MTA3: variants seen among roughly 807,000 people sequenced by gnomAD.
MTA3 encodes metastasis-associated protein MTA3.
MTA3 carries 34 observed loss-of-function variants against 83.5 expected under a neutral mutation model. The ratio of observed to expected loss-of-function variants is 0.41; its 90% CI spans 0.31 to 0.54. The LOEUF (loss-of-function observed/expected upper bound fraction) is 0.54. MTA3 is among the 20% of genes least tolerant of loss of function. The pLI is 0.33. For synonymous variants in MTA3, 303 were observed against 252.7 expected (o/e 1.20, Z -1.89); for missense variants, 761 against 726.4 (o/e 1.05, Z -0.55).
intron 2 of MTA3, among the ~76,000 whole-genome samples, chr2:42,501,503 A>G (rs957216797): frequency 1.3e-5 from 2 of 152,088 alleles, no homozygotes; most frequent in Admixed American, 6.6e-5. Flanking sequence ...CAGCCAACCC[A>G]CTCCTAACAC....
chr2:42,523,362 G>C (rs79423659), intron 2 of MTA3, among the ~76,000 whole-genome samples: 1 of 152,112 alleles, frequency 6.6e-6, no homozygotes, highest in African/African-American at 2.4e-5. Flanking sequence ...GCAAGAGAGC[G>C]GCAGTGAGAC....
intron 4 of MTA3, chr2:42,614,048 T>A (rs2104121948): frequency 6.6e-6 from 1 of 152,358 alleles, no homozygotes; most frequent in East Asian, 1.9e-4. Context: ...TGTATTTATT[T>A]TACTATATTC....
At chr2:42,610,309 A>G (rs1288013706) in intron 4 of MTA3, among the ~76,000 whole-genome samples, 3 of 152,350 alleles carry the variant, frequency 2.0e-5, no homozygotes, top group African/African-American at 7.2e-5. Flanking sequence ...TCTTGACCTT[A>G]TAGGATATAT....
chr2:42,708,839 C>T (rs4953578), intron 13 of MTA3, 35 bp from the exon 14 acceptor site: 954,553 of 1,609,356 alleles, frequency 0.59, 288,828 homozygotes, highest in African/African-American at 0.81. Flanking sequence ...GGCAAGTTCA[C>T]TTCCTTGAGT....
chr2:42,499,573 C>T (rs1012754182), intron 2 of MTA3, among the ~76,000 whole-genome samples: 4 of 150,504 alleles, frequency 2.7e-5, no homozygotes, highest in Middle Eastern at 3.5e-3. Context: ...AGGCAGATCA[C>T]GAGATCAGGA....
At chr2:42,700,692 A>T (rs1693790712) in intron 11 of MTA3, among the ~76,000 whole-genome samples, 1 of 151,928 alleles carries the variant, frequency 6.6e-6, no homozygotes. Context: ...TAGATTTTTA[A>T]AAAAAGGAAT....
intron 12 of MTA3, among the ~76,000 whole-genome samples, chr2:42,704,876 G>A (rs571715491): frequency 6.6e-6 from 1 of 152,286 alleles, no homozygotes; most frequent in South Asian, 2.1e-4. Context: ...AATGGGGTCG[G>A]TGAAGTGAAC....
chr2:42,605,000 G>T, intron 3 of MTA3, among the ~76,000 whole-genome samples: 1 of 150,356 alleles, frequency 6.7e-6, no homozygotes, highest in South Asian at 2.1e-4. Context: ...CACAGACACG[G>T]CAACCATCCG....
intron 4 of MTA3, among the ~76,000 whole-genome samples, chr2:42,630,424 C>G (rs1389058431): frequency 6.6e-6 from 1 of 152,150 alleles, no homozygotes; most frequent in African/African-American, 2.4e-5. Flanking sequence ...CCCCCCAGGT[C>G]TTCAGTGTTT....
intron 4 of MTA3, among the ~76,000 whole-genome samples, chr2:42,632,793 A>G (rs1000524677): frequency 6.6e-6 from 1 of 151,818 alleles, no homozygotes; most frequent in East Asian, 1.9e-4. Flanking sequence ...TCATTCCTCT[A>G]CTTTGTGTAC....
intron 2 of MTA3, among the ~76,000 whole-genome samples, chr2:42,529,559 A>G (rs1259033750): frequency 6.6e-6 from 1 of 152,198 alleles, no homozygotes; most frequent in East Asian, 1.9e-4. Flanking sequence ...TTCTTCAGTG[A>G]TTGGCACCAA....
chr2:42,682,892 G>A (rs548899185), intron 9 of MTA3, among the ~76,000 whole-genome samples: 36 of 152,266 alleles, frequency 2.4e-4, no homozygotes, highest in South Asian at 1.9e-3. Flanking sequence ...CCAATGTGGT[G>A]AAACCCCATC....
intron 2 of MTA3, among the ~76,000 whole-genome samples, chr2:42,498,660 G>A (rs1185657553): frequency 6.6e-6 from 1 of 152,258 alleles, no homozygotes; most frequent in East Asian, 1.9e-4. Flanking sequence ...GTCAACAGGT[G>A]AACTACAGGC....
chr2:42,665,780 CTG>C, intron 8 of MTA3, among the ~76,000 whole-genome samples: 1 of 152,278 alleles, frequency 6.6e-6, no homozygotes, highest in East Asian at 1.9e-4. Context: ...CTAGAGAAGA[CTG>C]TTTTACAGGT....
At chr2:42,528,289 C>T (rs1167209085) in intron 2 of MTA3, among the ~76,000 whole-genome samples, 2 of 148,222 alleles carry the variant, frequency 1.3e-5, no homozygotes, top group East Asian at 2.0e-4. Context: ...GGCGTGATCT[C>T]GGCTCCTGCA....
At chr2:42,686,359 G>A (rs1308645485) in intron 9 of MTA3, among the ~76,000 whole-genome samples, 1 of 152,150 alleles carries the variant, frequency 6.6e-6, no homozygotes, top group Non-Finnish European at 1.5e-5. Context: ...TACAGTTAAA[G>A]TTCTGTGAGT....
intron 2 of MTA3, chr2:42,533,367 G>A (rs891784066): frequency 7.3e-5 from 11 of 151,672 alleles, no homozygotes; most frequent in African/African-American, 2.7e-4. Flanking sequence ...GGGATTACAG[G>A]TGTGAGCAAC....
chr2:42,583,357 C>G (rs1442629192), intron 3 of MTA3, among the ~76,000 whole-genome samples: 1 of 152,158 alleles, frequency 6.6e-6, no homozygotes, highest in African/African-American at 2.4e-5. Context: ...ACTAAAACAT[C>G]AGGTGCAGAC....
chr2:42,570,333 T>G, intron 1 of MTA3, 104 bp from the exon 2 acceptor site: 3 of 610,844 alleles, frequency 4.9e-6, no homozygotes, highest in Non-Finnish European at 8.4e-6. Flanking sequence ...GAATGAATTA[T>G]GAGCTTAATT....
Sources: gnomAD v4.1 joint callset for allele counts (sites outside exome capture counted in the v4.1 genomes callset) on GRCh38, gnomAD v4.1.1 for gene constraint, MANE v1.5 for transcripts, NCBI Gene and HGNC (gene_info 2026-07-23, HGNC 2026-07-21) for gene names.